Variants in ITPK1 observed in about 807,000 individuals in gnomAD.
ITPK1 encodes the protein inositol-tetrakisphosphate 1-kinase, also known as inositol 1,3,4-trisphosphate 5/6-kinase.
A neutral mutation model predicts 45.3 loss-of-function variants in ITPK1; 21 were observed. That is an observed-to-expected ratio of 0.46 (90% CI 0.33 to 0.67). The LOEUF is 0.67. ITPK1 is among the 30% of genes least tolerant of loss of function. The pLI is 0.02. For synonymous variants in ITPK1, 258 were observed against 253.6 expected (o/e 1.02, Z -0.16); for missense variants, 474 against 573.5 (o/e 0.83, Z 1.77).
chr14:93,072,199 G>T lies in ITPK1; in HGVS notation c.120+4396C>A, dbSNP rs1388595844. 2.0e-5 allele frequency: 3 copies of T among 151,300 alleles called. No homozygotes were observed. The East Asian group carries it at 5.8e-4, about 29-fold the overall frequency. 9.4% of individuals were successfully genotyped at this position (151,300 alleles called of 1,614,324 possible). A position where few individuals can be genotyped will look rare whatever the true frequency, so the allele number is the denominator to read the frequency against. ...CACCTGTAACCTCAGCTACTTGGGA[G>T]GCTGAGGCAGGAAAATCGCTTGAAC... On this transcript the variant is annotated intron_variant, in intron 3 of 10. Coordinates refer to ENST00000267615, the MANE Select transcript of ITPK1 (RefSeq NM_014216.6).
At chr14:93,019,112 C>T (rs1458988109) in intron 3 of ITPK1, among the ~76,000 whole-genome samples, 1 of 152,246 alleles carries the variant, frequency 6.6e-6, no homozygotes, top group African/African-American at 2.4e-5. Flanking sequence ...CCCATTTCCA[C>T]TACAGCCTGT....
chr14:93,111,024 C>CTCCATCCCTCATCCT (rs1892729738), intron 2 of ITPK1, among the ~76,000 whole-genome samples: 1 of 143,300 alleles, frequency 7.0e-6, no homozygotes, highest in Non-Finnish European at 1.5e-5. Context: ...TCCCTCATCC[C>CTCCATCCCTCATCCT]TCCATCCCTC....
chr14:93,107,752 G>A (rs530809640), intron 2 of ITPK1, among the ~76,000 whole-genome samples: 34 of 152,156 alleles, frequency 2.2e-4, no homozygotes, highest in Non-Finnish European at 4.0e-4. Flanking sequence ...CCACCCCACC[G>A]AACCCTAAAA....
chr14:92,972,915 T>A (rs1272166763), intron 5 of ITPK1, among the ~76,000 whole-genome samples: 1 of 152,158 alleles, frequency 6.6e-6, no homozygotes, highest in African/African-American at 2.4e-5. Context: ...CAACCCAAGA[T>A]CGTTCCCAGC....
In ITPK1 at chr14:92,940,044, G is replaced by A. The variant is rs1169656083; in HGVS notation, c.*1517C>T. Reference sequence around the variant, plus strand: ...TGGGTCCTCAGTTTCCAAAAAAGCCGGGCAGTTCTGATGGCCTCTGCCCCT... The same window carrying A: ...TGGGTCCTCAGTTTCCAAAAAAGCCAGGCAGTTCTGATGGCCTCTGCCCCT... On this transcript the variant is annotated 3_prime_UTR_variant, in exon 11 of 11. Coordinates refer to ENST00000267615, the MANE Select transcript of ITPK1 (RefSeq NM_014216.6). 10 of 985,676 alleles carry A rather than the reference G, an allele frequency of 1.0e-5. No individual in the cohort carries two copies. Among genetic ancestry groups the A allele is most frequent in the South Asian group, 4.7e-5 (1 of 21,292 alleles). 61.1% of individuals were successfully genotyped at this position (985,676 alleles called of 1,614,324 possible).
chr14:93,018,013 A>T (rs1258215516), intron 3 of ITPK1, among the ~76,000 whole-genome samples: 1 of 151,756 alleles, frequency 6.6e-6, no homozygotes, highest in Non-Finnish European at 1.5e-5. Flanking sequence ...TGCGCTTCTC[A>T]CTCCATTCCC....
At chr14:92,967,925 T>C (rs1489298297) in intron 5 of ITPK1, among the ~76,000 whole-genome samples, 1 of 152,194 alleles carries the variant, frequency 6.6e-6, no homozygotes, top group East Asian at 1.9e-4. Context: ...TGGGAGGGAC[T>C]GCAAATGGGT....
At chr14:93,096,035 G>A (rs1320885639) in intron 2 of ITPK1, among the ~76,000 whole-genome samples, 1 of 152,072 alleles carries the variant, frequency 6.6e-6, no homozygotes, top group East Asian at 1.9e-4. Context: ...TGCATGCTGG[G>A]GCCTGGAAAG....
intron 3 of ITPK1, among the ~76,000 whole-genome samples, chr14:93,024,190 C>T (rs1015153981): frequency 2.0e-5 from 3 of 152,190 alleles, no homozygotes; most frequent in Non-Finnish European, 4.4e-5. Context: ...CTCCTGTTGC[C>T]AGGCCTGGAG....
chr14:92,959,013 C>A (rs1237879948), intron 7 of ITPK1, among the ~76,000 whole-genome samples: 1 of 152,152 alleles, frequency 6.6e-6, no homozygotes, highest in Non-Finnish European at 1.5e-5. Context: ...CTGCACAGCA[C>A]CCAGCCGCGC....
intron 2 of ITPK1, among the ~76,000 whole-genome samples, chr14:93,095,200 C>T (rs559321130): frequency 1.3e-5 from 2 of 152,304 alleles, no homozygotes; most frequent in South Asian, 4.1e-4. Context: ...CCACCACCAC[C>T]ACCACAGTAA....
intron 2 of ITPK1, among the ~76,000 whole-genome samples, chr14:93,106,552 C>T (rs1056987751): frequency 2.6e-5 from 4 of 152,204 alleles, no homozygotes; most frequent in African/African-American, 7.2e-5. Context: ...AGCTCTAGGC[C>T]CCTCTTGCTG....
chr14:93,068,349 C>G (rs1219319638), intron 3 of ITPK1: 2 of 152,256 alleles, frequency 1.3e-5, no homozygotes, highest in African/African-American at 4.8e-5. Context: ...GCAGAGCCAG[C>G]CCCCCAAGCC....
chr14:93,042,524 G>C (rs77251627), intron 3 of ITPK1, among the ~76,000 whole-genome samples: 270 of 152,306 alleles, frequency 1.8e-3, no homozygotes, highest in African/African-American at 6.1e-3. Flanking sequence ...AACAGCGACA[G>C]GGCTGGGAAC....
intron 3 of ITPK1, among the ~76,000 whole-genome samples, chr14:93,028,369 G>C (rs1054030412): frequency 6.6e-6 from 1 of 152,214 alleles, no homozygotes; most frequent in Admixed American, 6.5e-5. Context: ...AGGGCAGCCT[G>C]TTCTAACACC....
rs142531055 is a variant in ITPK1, at chr14:93,077,791, C to T, written c.96-1172G>A. Among the ~76,000 whole-genome samples the T allele has an allele frequency of 3.0e-3, 456 of 152,292 alleles. 5 individuals are homozygous for T. The highest frequency in any genetic ancestry group is 0.011 in the African/African-American group (437 of 41,558). ...CTAACCTGGAAGAACTTAAGGCTAC[C>T]ACTGTCTCGGCCCTTTGTTCTGGGG... is the stretch of plus-strand genomic sequence containing the variant. On this transcript the variant is annotated intron_variant, in intron 2 of 10. Transcript: ENST00000267615.
In ITPK1 at chr14:92,938,277, A is replaced by G; in HGVS notation, c.*3284T>C. 1 of 607,422 alleles carries G rather than the reference A, an allele frequency of 1.6e-6. No homozygotes were observed. Among genetic ancestry groups the G allele is most frequent in the African/African-American group, 1.8e-5 (1 of 54,078 alleles). 37.6% of individuals were successfully genotyped at this position (607,422 alleles called of 1,614,324 possible). A position where few individuals can be genotyped will look rare whatever the true frequency, so the allele number is the denominator to read the frequency against. ...CCGGCCAGAGTTTCTAGGGAATAGAAGAGAGGGCAGATACAGACCCCAGGG... is the reference window on the plus strand; with the variant it reads ...CCGGCCAGAGTTTCTAGGGAATAGAGGAGAGGGCAGATACAGACCCCAGGG... On this transcript the variant is annotated 3_prime_UTR_variant, in exon 11 of 11. Coordinates refer to ENST00000267615, the MANE Select transcript of ITPK1 (RefSeq NM_014216.6).
rs951822347 is a variant in ITPK1 at position 93,036,482 on chromosome 14, C to G, written c.121-19681G>C. ...CCAACAATGACAAACACGTGACCTC[C>G]TCCGAGAGGCTGGTGGGAGCACGTG... On this transcript the variant is annotated intron_variant, in intron 3 of 10. Transcript: ENST00000267615. The surrounding 1 kb of genome is among the most constrained non-coding windows in gnomAD (Gnocchi z 4.1). 3.3e-5 allele frequency among the ~76,000 whole-genome samples: 5 copies of G among 152,152 alleles called. No homozygotes were observed. In the South Asian group the frequency reaches 1.0e-3, roughly 32 times the overall value.
Position 92,941,888 on chromosome 14 carries a change from G to A in ITPK1, c.918C>T (p.Ser306=), listed in dbSNP as rs576809322. 1.1e-4 allele frequency: 171 copies of A among 1,612,162 alleles called. 1 individual carries two copies. The highest frequency in any genetic ancestry group is 1.0e-3 in the South Asian group (94 of 90,880). ...GGTTCAGGAGGTCTGTGAAGAACTC[G>A]CTCACGCCCTCGTAGCCTGGGGGTG... ...INAFPGYEGV[S]EFFTDLLNHI... Residue 306 remains serine, a synonymous_variant, in exon 11 of 11, where the codon AGC becomes AGT. Transcript: ENST00000267615.
Sources: allele counts gnomAD v4.1 joint callset (sites outside exome capture counted in the v4.1 genomes callset), GRCh38; gene constraint gnomAD v4.1.1; non-coding constraint Gnocchi (gnomAD v3.1); transcripts MANE v1.5; gene names NCBI Gene and HGNC (gene_info 2026-07-23, HGNC 2026-07-21).